The following KLF8 variants were observed in gnomAD, a reference collection of about 807,000 sequenced individuals.
The protein encoded by KLF8 is KLF transcription factor 8.
A neutral mutation model predicts 18.2 loss-of-function variants in KLF8; 10 were observed. That is an observed-to-expected ratio of 0.55 (90% CI 0.34 to 0.93). KLF8 has a LOEUF of 0.93. Among genes scored for constraint, KLF8 ranks in the 40% least tolerant of loss-of-function variants. The probability of loss-of-function intolerance (pLI) is 0.02; values close to 1 mark genes in which losing one functional copy is unlikely to be tolerated. For synonymous variants in KLF8, 109 were observed against 97.3 expected (o/e 1.12, Z -0.71); for missense variants, 264 against 277.9 (o/e 0.95, Z 0.36).
At chrX:56,057,098 G>A in the KLF8 span, among the ~76,000 whole-genome samples, 3 of 111,753 alleles carry the variant, frequency 2.7e-5, no homozygotes, top group Admixed American at 2.8e-4. Context: ...TTCGGCTTGG[G>A]GCCAAGGGGT....
Position 56,250,274 on chromosome X carries a change from A to C in KLF8, c.51A>C (p.Ser17=). ...ACAACTTGGAGGTCCAACTTAATTC[A>C]GAAGGTGGCTCAATGCAGGTATTCA... ...LINNLEVQLN[S]EGGSMQVFKQ... The change falls in exon 2 of 6, where the codon TCA becomes TCC. Residue 17 remains serine (S), a synonymous_variant. Coordinates refer to ENST00000468660, the MANE Select transcript of KLF8 (RefSeq NM_007250.5). The C allele has an allele frequency of 1.7e-6, 2 of 1,208,661 alleles. No individual in the cohort carries two copies. The highest frequency in any genetic ancestry group is 2.2e-6 in the Non-Finnish European group (2 of 892,545).
the KLF8 span, among the ~76,000 whole-genome samples, chrX:56,124,185 C>G: frequency 4.2e-4 from 47 of 111,657 alleles, no homozygotes; most frequent in Non-Finnish European, 6.6e-4. Context: ...TTGTTTCTCC[C>G]TAATGCTTTT....
chrX:56,187,688 C>A, the KLF8 span, among the ~76,000 whole-genome samples: 3 of 110,715 alleles, frequency 2.7e-5, no homozygotes, highest in Non-Finnish European at 3.8e-5. Context: ...ATCAAGTGGG[C>A]TTCATCCCTG....
the KLF8 span, among the ~76,000 whole-genome samples, chrX:56,176,288 G>C: frequency 9.0e-6 from 1 of 111,556 alleles, no homozygotes; most frequent in Non-Finnish European, 1.9e-5. Context: ...GTTCTTTTAG[G>C]GCAGGCCCGG....
the KLF8 span, among the ~76,000 whole-genome samples, chrX:56,121,166 A>G: frequency 9.9e-6 from 1 of 100,548 alleles, no homozygotes; most frequent in Non-Finnish European, 2.0e-5. Context: ...AGCCTGGGCC[A>G]CAGAGCGAGA....
the KLF8 span, among the ~76,000 whole-genome samples, chrX:55,937,085 G>T: frequency 1.8e-5 from 2 of 111,581 alleles, no homozygotes; most frequent in Admixed American, 9.5e-5. Context: ...CCTCAAGTGG[G>T]TCCCTGACCC....
At chrX:56,037,151 C>A in the KLF8 span, among the ~76,000 whole-genome samples, 1 of 111,234 alleles carries the variant, frequency 9.0e-6, no homozygotes, top group East Asian at 2.8e-4. Flanking sequence ...TTATTTTTTT[C>A]TCTTACCTAG....
At chrX:56,010,271 A>G in the KLF8 span, among the ~76,000 whole-genome samples, 3 of 112,095 alleles carry the variant, frequency 2.7e-5, no homozygotes, top group Non-Finnish European at 3.8e-5. Flanking sequence ...CTGTCAGCAG[A>G]AGCCCTACAA....
chrX:55,948,838 A>G, the KLF8 span, among the ~76,000 whole-genome samples: 5 of 112,077 alleles, frequency 4.5e-5, no homozygotes, highest in African/African-American at 1.6e-4. Context: ...AAACTTCCCA[A>G]TGTGTCAGTT....
At chrX:56,173,496 C>A in the KLF8 span, among the ~76,000 whole-genome samples, 1 of 111,924 alleles carries the variant, frequency 8.9e-6, no homozygotes, top group Non-Finnish European at 1.9e-5. Flanking sequence ...GTTTTGGTTA[C>A]TGTAGCCTTG....
At chrX:56,213,708 T>G in the KLF8 span, among the ~76,000 whole-genome samples, 2 of 111,284 alleles carry the variant, frequency 1.8e-5, no homozygotes, top group Non-Finnish European at 3.8e-5. Context: ...AGACAACATC[T>G]GGTGGGGGGT....
the KLF8 span, among the ~76,000 whole-genome samples, chrX:56,052,621 C>A: frequency 8.9e-6 from 1 of 111,908 alleles, no homozygotes; most frequent in Non-Finnish European, 1.9e-5. Flanking sequence ...AGCAGTCTCC[C>A]CATTCTCAGA....
chrX:56,204,848 G>C, the KLF8 span, among the ~76,000 whole-genome samples: 2 of 110,513 alleles, frequency 1.8e-5, no homozygotes, highest in African/African-American at 3.3e-5. Flanking sequence ...TAAATGGAGA[G>C]CACTGATCTG....
chrX:56,013,217 C>T, the KLF8 span, among the ~76,000 whole-genome samples: 1 of 112,731 alleles, frequency 8.9e-6, no homozygotes, highest in African/African-American at 3.2e-5. Context: ...AATGACTGCC[C>T]TATTGGATTT....
chrX:55,929,322 G>T, the KLF8 span, among the ~76,000 whole-genome samples: 5 of 111,945 alleles, frequency 4.5e-5, no homozygotes, highest in Non-Finnish European at 1.9e-5. Context: ...TAGGTTGCCT[G>T]TTCACTCTGA....
chrX:56,083,043 A>C, the KLF8 span, among the ~76,000 whole-genome samples: 3 of 111,470 alleles, frequency 2.7e-5, no homozygotes, highest in Non-Finnish European at 3.8e-5. Context: ...TAGTTAATTA[A>C]GTTTCTTGGA....
the KLF8 span, among the ~76,000 whole-genome samples, chrX:56,203,724 T>C: frequency 8.9e-6 from 1 of 112,097 alleles, no homozygotes; most frequent in Non-Finnish European, 1.9e-5. Flanking sequence ...TTGTCAAAAA[T>C]GACTTCACTG....
chrX:56,061,987 T>TTTTA, the KLF8 span, among the ~76,000 whole-genome samples: 1 of 24,680 alleles, frequency 4.1e-5, no homozygotes, highest in African/African-American at 1.0e-4. Flanking sequence ...CAACCCCTGC[T>TTTTA]TTTTTTTTTT....
At chrX:55,944,088 T>A in the KLF8 span, among the ~76,000 whole-genome samples, 1 of 112,055 alleles carries the variant, frequency 8.9e-6, no homozygotes, top group African/African-American at 3.2e-5. Context: ...ATTGAGATAA[T>A]CATGTGGTTT....
Sources: allele counts gnomAD v4.1 joint callset (sites outside exome capture counted in the v4.1 genomes callset), GRCh38; gene constraint gnomAD v4.1.1; transcripts MANE v1.5; gene names NCBI Gene and HGNC (gene_info 2026-07-23, HGNC 2026-07-21).